The following DOK6 variants were observed in gnomAD, a reference collection of about 807,000 sequenced individuals.
DOK6 encodes downstream of tyrosine kinase 6.
DOK6 carries 22 observed loss-of-function variants against 44.0 expected under a neutral mutation model. The observed-to-expected ratio is 0.50, with a 90% CI of 0.36 to 0.71. DOK6 has a LOEUF of 0.71. Among genes scored for constraint, DOK6 ranks in the 30% least tolerant of loss-of-function variants. DOK6 has a pLI of 0.00. For missense variants in DOK6, 340 were observed against 416.4 expected, an observed-to-expected ratio of 0.82 and a Z score of 1.60; for synonymous variants, 166 against 145.5, an observed-to-expected ratio of 1.14 and a Z score of -1.01.
chr18:69,506,023 A>G (rs1447274895), intron 1 of DOK6, among the ~76,000 whole-genome samples: 1 of 152,102 alleles, frequency 6.6e-6, no homozygotes, highest in Non-Finnish European at 1.5e-5. Flanking sequence ...CCATGAAATA[A>G]TGAATGTAAA....
chr18:69,548,772 T>G (rs1050764543), intron 1 of DOK6, among the ~76,000 whole-genome samples: 1 of 151,574 alleles, frequency 6.6e-6, no homozygotes, highest in Non-Finnish European at 1.5e-5. Context: ...TAAGAATTTT[T>G]AATTGTAAGA....
chr18:69,498,885 G>A (rs1398362109), intron 1 of DOK6, among the ~76,000 whole-genome samples: 1 of 152,050 alleles, frequency 6.6e-6, no homozygotes, highest in Non-Finnish European at 1.5e-5. Flanking sequence ...CGTGTATCAG[G>A]GTGAGTTGTT....
chr18:69,689,035 G>T (rs1986210409), intron 4 of DOK6, among the ~76,000 whole-genome samples: 1 of 152,074 alleles, frequency 6.6e-6, no homozygotes, highest in African/African-American at 2.4e-5. Context: ...TCAAACTATT[G>T]CTCATCAAGA....
chr18:69,471,279 A>AG (rs1210308735), intron 1 of DOK6, among the ~76,000 whole-genome samples: 4 of 144,068 alleles, frequency 2.8e-5, no homozygotes, highest in Admixed American at 1.4e-4. Flanking sequence ...AAAAAAAAAA[A>AG]GGGGTGATTT....
chr18:69,621,715 C>G (rs996486569), intron 3 of DOK6, among the ~76,000 whole-genome samples: 2 of 152,080 alleles, frequency 1.3e-5, no homozygotes, highest in African/African-American at 4.8e-5. Flanking sequence ...TGACAGGAGG[C>G]ATTTCAATGG....
chr18:69,780,262 A>T (rs1980221490), intron 7 of DOK6, among the ~76,000 whole-genome samples: 1 of 152,180 alleles, frequency 6.6e-6, no homozygotes, highest in African/African-American at 2.4e-5. Flanking sequence ...TCTGATGCCC[A>T]GGATTTACCT....
chr18:69,543,462 T>C lies in DOK6; in HGVS notation c.67-21025T>C, dbSNP rs150191193. Among the ~76,000 whole-genome samples the C allele has an allele frequency of 7.6e-4, 115 of 151,660 alleles. 3 individuals are homozygous for C. The highest frequency in any genetic ancestry group is 2.7e-3 in the African/African-American group (110 of 41,504). ...GAAACAGACAAACATATACAACCTC[T>C]CATTTCAACTACATCTCTATTTTCT... On this transcript the variant is annotated intron_variant, in intron 1 of 7. Transcript: ENST00000382713.
chr18:69,532,786 T>C (rs1435050436), intron 1 of DOK6: 2 of 152,188 alleles, frequency 1.3e-5, no homozygotes, highest in Non-Finnish European at 2.9e-5. Context: ...TGCTTGAGCC[T>C]GGAAGGTTGA....
chr18:69,509,030 T>A (rs898588900), intron 1 of DOK6, among the ~76,000 whole-genome samples: 1 of 152,228 alleles, frequency 6.6e-6, no homozygotes, highest in African/African-American at 2.4e-5. Flanking sequence ...GTATTCCACA[T>A]TTGTGTAGCT....
chr18:69,544,626 A>G (rs1216267658), intron 1 of DOK6, among the ~76,000 whole-genome samples: 1 of 151,508 alleles, frequency 6.6e-6, no homozygotes, highest in African/African-American at 2.4e-5. Context: ...GTTTCAAACC[A>G]TACAGTTAGA....
chr18:69,733,258 A>T (rs1009005118), intron 5 of DOK6, among the ~76,000 whole-genome samples: 7 of 152,152 alleles, frequency 4.6e-5, no homozygotes, highest in Admixed American at 6.5e-5. Flanking sequence ...TTATGTAAAG[A>T]TTTATTAGTG....
At chr18:69,670,760 G>C (rs184993074) in intron 3 of DOK6, among the ~76,000 whole-genome samples, 1 of 151,640 alleles carries the variant, frequency 6.6e-6, no homozygotes, top group African/African-American at 2.4e-5. Context: ...CTCCCACCCC[G>C]GCCTCCCAAA....
intron 4 of DOK6, among the ~76,000 whole-genome samples, chr18:69,686,479 T>C (rs180689707): frequency 4.9e-4 from 74 of 152,292 alleles, no homozygotes; most frequent in African/African-American, 1.7e-3. Context: ...CACATTTTTC[T>C]TTGAGCATGG....
intron 6 of DOK6, among the ~76,000 whole-genome samples, chr18:69,744,867 G>A (rs1324346461): frequency 6.7e-5 from 10 of 150,306 alleles, no homozygotes; most frequent in South Asian, 4.2e-4. Context: ...CAGAGGTTGC[G>A]GTGAGCAGAG....
intron 7 of DOK6, among the ~76,000 whole-genome samples, chr18:69,783,469 T>C (rs1980337750): frequency 6.6e-6 from 1 of 152,216 alleles, no homozygotes; most frequent in African/African-American, 2.4e-5. Flanking sequence ...TTAATGTAGC[T>C]ACTAGTAAAT....
At chr18:69,464,984 A>C (rs373298972) in intron 1 of DOK6, among the ~76,000 whole-genome samples, 7 of 152,352 alleles carry the variant, frequency 4.6e-5, no homozygotes, top group East Asian at 1.9e-4. Flanking sequence ...GCATCTTTAC[A>C]TATTGTAATT....
chr18:69,752,327 T>C (rs1340771158), intron 6 of DOK6, among the ~76,000 whole-genome samples: 1 of 152,226 alleles, frequency 6.6e-6, no homozygotes, highest in Non-Finnish European at 1.5e-5. Context: ...GGAGAATTGA[T>C]GACTTTTTAG....
intron 6 of DOK6, among the ~76,000 whole-genome samples, chr18:69,752,698 A>G (rs993679086): frequency 7.2e-5 from 11 of 152,196 alleles, no homozygotes; most frequent in Non-Finnish European, 1.0e-4. Context: ...TCCCTTGCCT[A>G]TTAGTTTCAT....
At chr18:69,483,329 A>G (rs1229901074) in intron 1 of DOK6, among the ~76,000 whole-genome samples, 3 of 152,164 alleles carry the variant, frequency 2.0e-5, no homozygotes, top group South Asian at 4.1e-4. Context: ...CTATACACCA[A>G]CAACAGTCAA....
Sources: allele counts gnomAD v4.1 joint callset (sites outside exome capture counted in the v4.1 genomes callset), GRCh38; gene constraint gnomAD v4.1.1; transcripts MANE v1.5; gene names NCBI Gene and HGNC (gene_info 2026-07-23, HGNC 2026-07-21).